The following EDNRB variants were observed in gnomAD, a reference collection of about 807,000 sequenced individuals.
EDNRB encodes Hirschsprung disease 2.
In EDNRB, 18 loss-of-function variants were observed where a neutral mutation model predicts 46.4. That is an observed-to-expected ratio of 0.39 (90% CI 0.27 to 0.57). EDNRB has a LOEUF of 0.57. EDNRB is among the 20% of genes least tolerant of loss of function. EDNRB has a pLI of 0.61. For synonymous variants in EDNRB, 213 were observed against 204.9 expected, an observed-to-expected ratio of 1.04 and a Z score of -0.34; for missense variants, 434 against 537.5, an observed-to-expected ratio of 0.81 and a Z score of 1.90.
chr13:77,923,673 G>A (rs186608636), upstream of EDNRB, among the ~76,000 whole-genome samples: 16 of 151,864 alleles, frequency 1.1e-4, no homozygotes, highest in Admixed American at 1.0e-3. Flanking sequence ...TTTGATACCT[G>A]AATGAAGTGT....
chr13:77,952,129 C>A (rs1383528581), intron 1 of EDNRB, among the ~76,000 whole-genome samples: 1 of 151,862 alleles, frequency 6.6e-6, no homozygotes, highest in Non-Finnish European at 1.5e-5. Flanking sequence ...ATTTAGGGAG[C>A]GCAAAGTAAA....
intron 1 of EDNRB, among the ~76,000 whole-genome samples, chr13:77,914,101 T>C (rs1879702520): frequency 6.6e-6 from 1 of 152,212 alleles, no homozygotes; most frequent in Non-Finnish European, 1.5e-5. Flanking sequence ...AGTACAAGAA[T>C]AACTTTCTAG....
intron 1 of EDNRB, among the ~76,000 whole-genome samples, chr13:77,956,061 AATACC>A (rs1180517101): frequency 6.6e-6 from 1 of 152,130 alleles, no homozygotes; most frequent in Non-Finnish European, 1.5e-5. Context: ...TTCTGTAAAG[AATACC>A]ATTGGGATTT....
intron 1 of EDNRB, among the ~76,000 whole-genome samples, chr13:77,958,853 A>G (rs1881316061): frequency 6.6e-6 from 1 of 152,232 alleles, no homozygotes; most frequent in South Asian, 2.1e-4. Context: ...TTACTAAGAT[A>G]TCACCATCTT....
upstream of EDNRB, chr13:77,920,011 A>G (rs201962394): frequency 1.8e-5 from 3 of 167,004 alleles, no homozygotes; most frequent in East Asian, 4.8e-4. Flanking sequence ...TTTCAAGCCA[A>G]CATTAACCCC....
chr13:77,915,156 TA>T (rs896733447), intron 1 of EDNRB, among the ~76,000 whole-genome samples: 6 of 152,156 alleles, frequency 3.9e-5, no homozygotes, highest in Non-Finnish European at 7.4e-5. Context: ...CTAAATGCAT[TA>T]AAAAAACTAC....
chr13:77,918,838 C>G, upstream of EDNRB: 3 of 1,294,784 alleles, frequency 2.3e-6, no homozygotes, highest in Non-Finnish European at 2.9e-6. The surrounding 1 kb of genome is among the most constrained non-coding windows in gnomAD (Gnocchi z 4.5). Flanking sequence ...TCTTCCCCCG[C>G]GTGGCCAGGA....
rs554605762 is a variant in EDNRB, at chr13:77,901,042, A to G, written c.951+16T>C. Reference sequence around the variant, plus strand: ...TAAATTCAACCACGAGTTATCAAATATTTGTATTTTCTTACCTGCTTTAGG... The same window carrying G: ...TAAATTCAACCACGAGTTATCAAATGTTTGTATTTTCTTACCTGCTTTAGG... On this transcript the variant is annotated intron_variant, in intron 4 of 6. Transcript: ENST00000646607. 150 of 1,608,890 alleles carry G rather than the reference A, an allele frequency of 9.3e-5. 1 individual carries two copies. The East Asian group carries it at 3.2e-3, about 34-fold the overall frequency.
chr13:77,918,337 T>C lies in EDNRB; in HGVS notation c.237A>G (p.Gly79=). The part of the protein sequence containing the change: ...AEVPKGDRTA[G]SPPRTISPPP... ...GAGGGGAGATGGTGCGTGGCGGAGA[T>C]CCTGCCGTCCTGTCTCCTTTAGGCA... Residue 79 remains glycine (G), a synonymous_variant, in exon 1 of 7, where the codon GGA becomes GGG. Coordinates refer to ENST00000646607, the MANE Select transcript of EDNRB (RefSeq NM_001122659.3). The surrounding 1 kb of genome is among the most constrained non-coding windows in gnomAD (Gnocchi z 4.5). The C allele has an allele frequency of 6.2e-7, 1 of 1,612,808 alleles. No homozygotes were observed. The highest frequency in any genetic ancestry group is 8.5e-7 in the Non-Finnish European group (1 of 1,179,512).
chr13:77,933,083 C>G (rs1880448868), intron 1 of EDNRB, among the ~76,000 whole-genome samples: 1 of 152,250 alleles, frequency 6.6e-6, no homozygotes, highest in South Asian at 2.1e-4. Flanking sequence ...TGCAAATATC[C>G]TTTTTAGGAA....
chr13:77,936,479 C>A (rs1264876963), intron 1 of EDNRB, among the ~76,000 whole-genome samples: 1 of 152,090 alleles, frequency 6.6e-6, no homozygotes, highest in Non-Finnish European at 1.5e-5. Flanking sequence ...GAGTGGGTAG[C>A]CTCCATATTA....
chr13:77,940,364 C>T (rs1196962271), intron 1 of EDNRB, among the ~76,000 whole-genome samples: 2 of 150,906 alleles, frequency 1.3e-5, no homozygotes, highest in African/African-American at 4.9e-5. Context: ...TAATGGGGCT[C>T]AGCTATAAAA....
chr13:77,970,889 G>A (rs545800870), intron 1 of EDNRB, among the ~76,000 whole-genome samples: 1 of 152,260 alleles, frequency 6.6e-6, no homozygotes, highest in East Asian at 1.9e-4. Flanking sequence ...GTCTGAGGAA[G>A]GTCAGTTGAA....
In EDNRB at chr13:77,937,985, T is replaced by C. The variant is rs368688052; in HGVS notation, c.-51-19361A>G. On this transcript the variant is annotated intron_variant, in intron 1 of 7. Coordinates refer to the EDNRB transcript ENST00000646948. ...CAAGAATTATTTAGATCTTGTAGGATGGAAAAATTGAAAGTGCCATTTTCT... is the reference window on the plus strand; with the variant it reads ...CAAGAATTATTTAGATCTTGTAGGACGGAAAAATTGAAAGTGCCATTTTCT... Among the ~76,000 whole-genome samples the C allele has an allele frequency of 3.9e-5, 6 of 152,306 alleles. No individual in the cohort carries two copies. In the East Asian group the frequency reaches 7.7e-4, roughly 20 times the overall value.
At chr13:77,938,137 G>A (rs1409092578) in intron 1 of EDNRB, among the ~76,000 whole-genome samples, 1 of 152,112 alleles carries the variant, frequency 6.6e-6, no homozygotes, top group Non-Finnish European at 1.5e-5. Flanking sequence ...CAGGCTAAGG[G>A]AGAAGCAGGA....
upstream of EDNRB, among the ~76,000 whole-genome samples, chr13:77,923,488 C>T (rs561075183): frequency 6.6e-6 from 1 of 152,116 alleles, no homozygotes; most frequent in Non-Finnish European, 1.5e-5. Flanking sequence ...TATTCTTAGG[C>T]CACTCAGTAA....
chr13:77,927,562 T>A (rs1880272313), intron 1 of EDNRB, among the ~76,000 whole-genome samples: 1 of 152,226 alleles, frequency 6.6e-6, no homozygotes, highest in Admixed American at 6.5e-5. Context: ...TATTCATATT[T>A]TTCCAATTCC....
chr13:77,898,225 G>T lies in EDNRB; in HGVS notation c.1304C>A (p.Ser435Tyr), dbSNP rs757021438. Residue 435 changes from serine (S) to tyrosine (Y), a missense_variant, in exon 7 of 7, where the codon TCC becomes TAC. By Grantham distance (144) the Ser-to-Tyr change is moderately radical. Coordinates refer to ENST00000646607, the MANE Select transcript of EDNRB (RefSeq NM_001122659.3). Reference sequence around the variant, plus strand: ...TCAAGATGAGCTGTATTTATTACTGGAACGGAAGTTGTCATATCCGTGATC... The same window carrying T: ...TCAAGATGAGCTGTATTTATTACTGTAACGGAAGTTGTCATATCCGTGATC... ...ANDHGYDNFR[S>Y]SNKYSSS is the part of the protein sequence containing the mutation. The T allele has an allele frequency of 1.9e-6, 3 of 1,611,744 alleles. No individual in the cohort carries two copies. The highest frequency in any genetic ancestry group is 4.5e-5 in the East Asian group (2 of 44,772).
chr13:77,957,851 A>G (rs1002943815), intron 1 of EDNRB, among the ~76,000 whole-genome samples: 2 of 152,206 alleles, frequency 1.3e-5, no homozygotes, highest in African/African-American at 4.8e-5. Flanking sequence ...GTGATTAGGA[A>G]TATCTATTTG....
Sources: allele counts gnomAD v4.1 joint callset (sites outside exome capture counted in the v4.1 genomes callset), GRCh38; gene constraint gnomAD v4.1.1; non-coding constraint Gnocchi (gnomAD v3.1); transcripts MANE v1.5; gene names NCBI Gene and HGNC (gene_info 2026-07-23, HGNC 2026-07-21).